PDE1C: variants seen among roughly 807,000 people sequenced by gnomAD.
PDE1C encodes phosphodiesterase 1C, also known as dual specificity calcium/calmodulin-dependent 3',5'-cyclic nucleotide phosphodiesterase 1C.
In PDE1C, 62 loss-of-function variants were observed where a neutral mutation model predicts 93.1. That is an observed-to-expected ratio of 0.67 (90% confidence interval 0.54 to 0.82). The LOEUF is 0.82. Among genes scored for constraint, PDE1C ranks in the 40% least tolerant of loss-of-function variants. PDE1C has a pLI of 0.00. For missense variants in PDE1C, 742 were observed against 884.6 expected (o/e 0.84, Z 2.04); for synonymous variants, 325 against 310.1 (o/e 1.05, Z -0.50).
intron 1 of PDE1C, among the ~76,000 whole-genome samples, chr7:32,326,593 A>C (rs569420812): frequency 6.6e-6 from 1 of 152,328 alleles, no homozygotes; most frequent in Non-Finnish European, 1.5e-5. Flanking sequence ...ATACTTGACT[A>C]TTAGACTTAG....
intron 1 of PDE1C, among the ~76,000 whole-genome samples, chr7:32,306,249 C>T (rs548319128): frequency 7.9e-5 from 12 of 152,080 alleles, no homozygotes; most frequent in Non-Finnish European, 1.8e-4. Flanking sequence ...AGCATGAAAA[C>T]GGGCTAATAC....
the PDE1C span, among the ~76,000 whole-genome samples, chr7:31,739,236 C>CACACACA: frequency 1.3e-5 from 2 of 151,410 alleles, no homozygotes; most frequent in South Asian, 2.1e-4. Context: ...CACACACACA[C>CACACACA]ACCAGCTCTT....
chr7:31,790,098 G>A, intron 16 of PDE1C: 1 of 1,513,908 alleles, frequency 6.6e-7, no homozygotes, highest in Non-Finnish European at 8.8e-7. Context: ...AAGGCCAAGG[G>A]TCAGGGGGTG....
chr7:32,133,228 C>T (rs1800019138), intron 3 of PDE1C, among the ~76,000 whole-genome samples: 1 of 152,196 alleles, frequency 6.6e-6, no homozygotes, highest in Middle Eastern at 3.4e-3. Context: ...TACAGAAGAG[C>T]ATGTCTAACA....
At chr7:31,945,841 G>A (rs1036081205) in intron 2 of PDE1C, among the ~76,000 whole-genome samples, 5 of 151,870 alleles carry the variant, frequency 3.3e-5, no homozygotes, top group African/African-American at 1.2e-4. Context: ...ACAGTTCTAG[G>A]GTGTTTTGTT....
At chr7:32,403,600 A>T (rs1330075346) in intron 1 of PDE1C, among the ~76,000 whole-genome samples, 1 of 152,214 alleles carries the variant, frequency 6.6e-6, no homozygotes, top group Non-Finnish European at 1.5e-5. Context: ...TGTGACGATC[A>T]CATGCGTCTC....
chr7:32,024,156 G>C (rs1789092319), intron 2 of PDE1C, among the ~76,000 whole-genome samples: 1 of 151,994 alleles, frequency 6.6e-6, no homozygotes, highest in African/African-American at 2.4e-5. Flanking sequence ...CTAACATAAA[G>C]CTGAGTGATA....
At chr7:31,921,005 A>C (rs1276560662) in intron 2 of PDE1C, among the ~76,000 whole-genome samples, 1 of 152,208 alleles carries the variant, frequency 6.6e-6, no homozygotes, top group Non-Finnish European at 1.5e-5. Context: ...CACTCAAGGA[A>C]TCAAAGCCAT....
chr7:31,865,959 C>T (rs1371379525), intron 6 of PDE1C, among the ~76,000 whole-genome samples: 2 of 152,084 alleles, frequency 1.3e-5, no homozygotes, highest in African/African-American at 4.8e-5. Flanking sequence ...TTTGCAACTA[C>T]CAGTCACTCA....
At chr7:31,803,780 C>A (rs772147086) in intron 16 of PDE1C, among the ~76,000 whole-genome samples, 1 of 151,960 alleles carries the variant, frequency 6.6e-6, no homozygotes, top group Non-Finnish European at 1.5e-5. Flanking sequence ...GCCACATTTT[C>A]TTAATTCAGT....
chr7:32,195,161 G>C (rs1452307675), intron 2 of PDE1C, among the ~76,000 whole-genome samples: 5 of 152,114 alleles, frequency 3.3e-5, no homozygotes, highest in Non-Finnish European at 1.5e-5. Flanking sequence ...ACATAACTTA[G>C]AAAACTCAAG....
intron 1 of PDE1C, among the ~76,000 whole-genome samples, chr7:32,308,738 A>T (rs111422511): frequency 0.12 from 18,062 of 152,198 alleles, 1,169 homozygotes; most frequent in East Asian, 0.18. Flanking sequence ...CCACATCAAA[A>T]ACCCTTCTGT....
At chr7:32,058,091 T>C (rs1426582947) in intron 1 of PDE1C, among the ~76,000 whole-genome samples, 3 of 152,184 alleles carry the variant, frequency 2.0e-5, no homozygotes, top group Non-Finnish European at 2.9e-5. Context: ...ACCTCCCAGT[T>C]GGGCACAAGA....
At chr7:31,878,107 C>T in intron 4 of PDE1C, 71 bp from the exon 5 acceptor site, 1 of 1,048,294 alleles carries the variant, frequency 9.5e-7, no homozygotes, top group Non-Finnish European at 1.5e-6. Flanking sequence ...CAGACTCATA[C>T]CAAGTATTGA....
chr7:31,706,431 T>G, the PDE1C span, among the ~76,000 whole-genome samples: 1 of 152,194 alleles, frequency 6.6e-6, no homozygotes, highest in Non-Finnish European at 1.5e-5. Context: ...AAAGGATATT[T>G]TAATCCCCAA....
intron 3 of PDE1C, among the ~76,000 whole-genome samples, chr7:32,147,944 A>G (rs1800997203): frequency 7.3e-6 from 1 of 137,746 alleles, no homozygotes; most frequent in South Asian, 2.3e-4. Flanking sequence ...TGCAAAAACT[A>G]CTTCCTCTCC....
chr7:31,979,354 G>A (rs73314681), intron 2 of PDE1C, among the ~76,000 whole-genome samples: 1,959 of 152,102 alleles, frequency 0.013, 20 homozygotes, highest in Non-Finnish European at 0.021. Context: ...AAAATCACCC[G>A]TAACTCATTA....
intron 7 of PDE1C, among the ~76,000 whole-genome samples, chr7:31,863,817 G>A (rs1794956190): frequency 1.3e-5 from 2 of 151,950 alleles, no homozygotes. Context: ...GGAAGTTTTC[G>A]CTCAGAGACT....
At chr7:31,633,587 T>C in the PDE1C span, among the ~76,000 whole-genome samples, 3 of 152,210 alleles carry the variant, frequency 2.0e-5, no homozygotes, top group African/African-American at 4.8e-5. Flanking sequence ...CTACCGCCCA[T>C]TGTCCTGAAG....
Sources: allele counts gnomAD v4.1 joint callset (sites outside exome capture counted in the v4.1 genomes callset), GRCh38; gene constraint gnomAD v4.1.1; transcripts MANE v1.5; gene names NCBI Gene and HGNC (gene_info 2026-07-23, HGNC 2026-07-21).